The following EDARADD variants were observed in gnomAD, a reference collection of about 807,000 sequenced individuals.
EDARADD encodes the protein ectodysplasin-A receptor-associated adapter protein.
In EDARADD, 20 loss-of-function variants were observed where a neutral mutation model predicts 25.6. The observed-to-expected ratio is 0.78, with a 90% CI of 0.55 to 1.14. The LOEUF (loss-of-function observed/expected upper bound fraction) is 1.14. EDARADD is among the 50% of genes most tolerant of loss of function. EDARADD has a pLI of 0.00. For synonymous variants in EDARADD, 86 were observed against 94.4 expected, an observed-to-expected ratio of 0.91 and a Z score of 0.52; for missense variants, 225 against 270.1, an observed-to-expected ratio of 0.83 and a Z score of 1.17.
chr1:236,449,109 C>A lies in EDARADD; in HGVS notation c.220-19122C>A, dbSNP rs140834864. On this transcript the variant is annotated intron_variant, in intron 4 of 5. Transcript: ENST00000334232. ...CTGGTGGTTTGCTGGCACTTTTTGG[C>A]ATTCCTTGGCTTGTAGAAGCATCAT... is the stretch of plus-strand genomic sequence containing the variant. 3.2e-4 allele frequency among the ~76,000 whole-genome samples: 48 copies of A among 152,272 alleles called. No homozygotes were observed. In the East Asian group the frequency reaches 9.1e-3, roughly 29 times the overall value.
intron 5 of EDARADD, among the ~76,000 whole-genome samples, chr1:236,477,046 C>T (rs1465625970): frequency 7.0e-6 from 1 of 143,820 alleles, no homozygotes; most frequent in Non-Finnish European, 1.5e-5. Flanking sequence ...TTGAAAAGTG[C>T]CCATAAGCAA....
At chr1:236,362,905 C>A (rs556532999) in intron 3 of EDARADD, among the ~76,000 whole-genome samples, 52 of 147,018 alleles carry the variant, frequency 3.5e-4, no homozygotes, top group African/African-American at 1.3e-3. Flanking sequence ...GTGGCTCATG[C>A]CTGTAATCCC....
chr1:236,481,265 G>A (rs1659663190), intron 5 of EDARADD, among the ~76,000 whole-genome samples: 1 of 152,160 alleles, frequency 6.6e-6, no homozygotes, highest in South Asian at 2.1e-4. Context: ...AAGGGCAAGG[G>A]CTGAGGTGCA....
At chr1:236,436,642 A>AAG (rs1259088134) in intron 4 of EDARADD, among the ~76,000 whole-genome samples, 2 of 151,882 alleles carry the variant, frequency 1.3e-5, no homozygotes, top group Non-Finnish European at 2.9e-5. Flanking sequence ...AAAAAAAAAA[A>AAG]AAGTAAGAAC....
rs1658948423 is a variant in EDARADD, at chr1:236,458,642, T to TTC, written c.220-9588_220-9587insCT. ...GTGTTTTTGGTATTTTTTCTTTTTC[T>TTC]TTTTTTTTTTTTTTTTTTGAGACGG... On this transcript the variant is annotated intron_variant, in intron 4 of 5. Transcript: ENST00000334232. Among the ~76,000 whole-genome samples the TTC allele has an allele frequency of 6.7e-5, 4 of 60,094 alleles. No individual in the cohort carries two copies. In the South Asian group the frequency reaches 1.7e-3, roughly 26 times the overall value. The allele number at this position is 60,094 out of a possible 152,430, so 39.4% of individuals were successfully genotyped here. A position where few individuals can be genotyped will look rare whatever the true frequency, so the allele number is the denominator to read the frequency against.
chr1:236,359,832 C>CAAGATGAG (rs1667025516), intron 3 of EDARADD, among the ~76,000 whole-genome samples: 1 of 152,172 alleles, frequency 6.6e-6, no homozygotes, highest in Admixed American at 6.5e-5. Flanking sequence ...CATGGGAATT[C>CAAGATGAG]AAGATGAGAT....
At chr1:236,449,097 G>A (rs755480229) in intron 4 of EDARADD, among the ~76,000 whole-genome samples, 1 of 152,114 alleles carries the variant, frequency 6.6e-6, no homozygotes, top group Non-Finnish European at 1.5e-5. Context: ...GTGGTTTGCT[G>A]GCACTTTTTG....
intron 4 of EDARADD, among the ~76,000 whole-genome samples, chr1:236,461,845 G>T (rs1324622672): frequency 6.6e-6 from 1 of 152,174 alleles, no homozygotes; most frequent in African/African-American, 2.4e-5. Context: ...TCATGAGTTG[G>T]CTAAGCATAG....
intron 4 of EDARADD, among the ~76,000 whole-genome samples, chr1:236,434,276 C>T (rs1052939680): frequency 6.6e-6 from 1 of 151,672 alleles, no homozygotes; most frequent in Non-Finnish European, 1.5e-5. Context: ...CTTGCTCTGT[C>T]TCCCAGGCTG....
At chr1:236,412,660 T>G (rs1657526588) in intron 2 of EDARADD, among the ~76,000 whole-genome samples, 1 of 152,172 alleles carries the variant, frequency 6.6e-6, no homozygotes, top group Non-Finnish European at 1.5e-5. Flanking sequence ...TTCTTCTGAG[T>G]TCATCCAATT....
At chr1:236,453,546 G>A (rs903573456) in intron 4 of EDARADD, among the ~76,000 whole-genome samples, 6 of 152,148 alleles carry the variant, frequency 3.9e-5, no homozygotes, top group Non-Finnish European at 8.8e-5. Context: ...AAAGTGGTGG[G>A]ATTACAGGCA....
chr1:236,452,809 A>G (rs1380673728), intron 4 of EDARADD, among the ~76,000 whole-genome samples: 4 of 152,056 alleles, frequency 2.6e-5, no homozygotes, highest in African/African-American at 9.7e-5. Context: ...CACTGTCCTC[A>G]CTTGGGCCCA....
intron 4 of EDARADD, among the ~76,000 whole-genome samples, chr1:236,453,950 G>A (rs1658778986): frequency 6.6e-6 from 1 of 151,932 alleles, no homozygotes; most frequent in African/African-American, 2.4e-5. Flanking sequence ...TGCTAAAGTA[G>A]CCACCCAATA....
intron 4 of EDARADD, among the ~76,000 whole-genome samples, chr1:236,427,977 A>ATT (rs201073864): frequency 1.7e-5 from 1 of 58,770 alleles, no homozygotes; most frequent in African/African-American, 3.0e-5. Context: ...ATTTTATTTT[A>ATT]TTTTTTTAGT....
At chr1:236,457,470 G>A (rs1253610) in intron 4 of EDARADD, among the ~76,000 whole-genome samples, 69,291 of 151,630 alleles carry the variant, frequency 0.46, 16,893 homozygotes, top group East Asian at 0.62. Flanking sequence ...AGCCAAGATC[G>A]TGCCACTGAA....
intron 4 of EDARADD, among the ~76,000 whole-genome samples, chr1:236,434,277 TCCCAGGCTGG>T (rs1658183836): frequency 6.6e-6 from 1 of 151,968 alleles, no homozygotes; most frequent in Non-Finnish European, 1.5e-5. Flanking sequence ...TTGCTCTGTC[TCCCAGGCTGG>T]AGTGCGGTGG....
At chr1:236,440,178 T>A (rs868857447) in intron 4 of EDARADD, among the ~76,000 whole-genome samples, 3 of 152,202 alleles carry the variant, frequency 2.0e-5, no homozygotes, top group African/African-American at 7.2e-5. Flanking sequence ...ATTTATGTGG[T>A]CCTATTTCTG....
At chr1:236,388,661 C>A (rs552777385) in intron 3 of EDARADD, among the ~76,000 whole-genome samples, 1 of 152,208 alleles carries the variant, frequency 6.6e-6, no homozygotes, top group South Asian at 2.1e-4. Context: ...GGGACCTTCC[C>A]CCCGCACCCA....
chr1:236,484,030 T>C lies in EDARADD; in HGVS notation c.*1381T>C. ...AAGTCCTTCATCAAAAACTACCCAG[T>C]GGTGTCTACTGAAGATCCCTTTGAC... On this transcript the variant is annotated 3_prime_UTR_variant, in exon 6 of 6. Transcript: ENST00000334232. The surrounding 1 kb of genome is among the most constrained non-coding windows in gnomAD (Gnocchi z 4.1). 2 of 1,515,068 alleles carry C rather than the reference T, an allele frequency of 1.3e-6. No individual in the cohort carries two copies. The highest frequency in any genetic ancestry group is 1.8e-6 in the Non-Finnish European group (2 of 1,091,654). The allele number at this position is 1,515,068 out of a possible 1,614,324, so 93.9% of individuals were successfully genotyped here.
Sources: gnomAD v4.1 joint callset for allele counts (sites outside exome capture counted in the v4.1 genomes callset) on GRCh38, gnomAD v4.1.1 for gene constraint, Gnocchi (gnomAD v3.1) non-coding constraint, MANE v1.5 for transcripts, NCBI Gene and HGNC (gene_info 2026-07-23, HGNC 2026-07-21) for gene names.